CAMK2B: variants seen among roughly 807,000 people sequenced by gnomAD.
The protein encoded by CAMK2B is calcium/calmodulin-dependent protein kinase type II subunit beta.
CAMK2B carries 27 observed loss-of-function variants against 93.7 expected under a neutral mutation model. That is an observed-to-expected ratio of 0.29 (90% CI 0.21 to 0.40). The LOEUF (loss-of-function observed/expected upper bound fraction) is 0.40. CAMK2B is among the 10% of genes least tolerant of loss of function. The pLI, the probability that CAMK2B is intolerant of heterozygous loss-of-function variation, is 1.00. For missense variants in CAMK2B, 568 were observed against 895.8 expected, an observed-to-expected ratio of 0.63 and a Z score of 4.67; for synonymous variants, 374 against 358.8, an observed-to-expected ratio of 1.04 and a Z score of -0.48.
chr7:44,241,938 C>T (rs139588573), intron 10 of CAMK2B, among the ~76,000 whole-genome samples, 155 bp from the exon 11 acceptor site: 14 of 152,312 alleles, frequency 9.2e-5, no homozygotes, highest in African/African-American at 3.4e-4. Context: ...CCTGGGACTT[C>T]AAGACTCGTC....
At chr7:44,220,958 C>A in intron 20 of CAMK2B, 57 bp from the exon 21 acceptor site, 1 of 1,448,026 alleles carries the variant, frequency 6.9e-7, no homozygotes. Flanking sequence ...CCCCGGACCC[C>A]TCCACACAGC....
intron 2 of CAMK2B, among the ~76,000 whole-genome samples, chr7:44,281,537 A>G (rs999864539): frequency 3.9e-5 from 6 of 152,054 alleles, no homozygotes; most frequent in African/African-American, 1.4e-4. Context: ...ATGGCAGCCC[A>G]CTCAGGGTCT....
At chr7:44,252,509 G>C (rs1584234722) in intron 5 of CAMK2B, among the ~76,000 whole-genome samples, 1 of 148,994 alleles carries the variant, frequency 6.7e-6, no homozygotes, top group Non-Finnish European at 1.5e-5. Flanking sequence ...GGGTGGGAGT[G>C]AGGGGCCTGT....
chr7:44,226,687 G>T (rs1326547016), intron 19 of CAMK2B, 43 bp from the exon 20 acceptor site: 3 of 1,497,538 alleles, frequency 2.0e-6, no homozygotes, highest in Non-Finnish European at 1.8e-6. Flanking sequence ...GCAGGCACGG[G>T]GGGCACGCAG....
intron 2 of CAMK2B, among the ~76,000 whole-genome samples, chr7:44,269,602 C>T (rs1292904701): frequency 1.3e-5 from 2 of 152,052 alleles, no homozygotes; most frequent in East Asian, 1.9e-4. Context: ...AACAGGAGGG[C>T]GTGGGTGGGC....
intron 5 of CAMK2B, among the ~76,000 whole-genome samples, chr7:44,253,909 T>TTG (rs1554401515): frequency 1.4e-5 from 2 of 147,500 alleles, no homozygotes; most frequent in Non-Finnish European, 3.1e-5. Context: ...CAGTTTTTTT[T>TTG]TTTTTTTTTT....
intron 2 of CAMK2B, among the ~76,000 whole-genome samples, chr7:44,277,357 T>C (rs1278053498): frequency 6.6e-6 from 1 of 152,194 alleles, no homozygotes; most frequent in Non-Finnish European, 1.5e-5. Flanking sequence ...TAATTAAGTA[T>C]TAAATATTAA....
intron 1 of CAMK2B, among the ~76,000 whole-genome samples, chr7:44,290,803 T>C (rs1276689623): frequency 6.6e-6 from 1 of 152,234 alleles, no homozygotes; most frequent in Non-Finnish European, 1.5e-5. Context: ...GTTTTTTCTT[T>C]TGTGTATTTT....
At chr7:44,303,093 T>G (rs1308420584) in intron 1 of CAMK2B, among the ~76,000 whole-genome samples, 1 of 152,190 alleles carries the variant, frequency 6.6e-6, no homozygotes, top group Admixed American at 6.5e-5. Flanking sequence ...AGTCAATTGT[T>G]TTCTTACATA....
chr7:44,242,560 G>A lies in CAMK2B; in HGVS notation c.696C>T (p.Asp232=), dbSNP rs747107925. The A allele has an allele frequency of 2.7e-5, 43 of 1,604,356 alleles. No homozygotes were observed. Among genetic ancestry groups the A allele is most frequent in the Non-Finnish European group, 3.3e-5 (39 of 1,173,896 alleles). Residue 232 remains aspartate (D), a splice_region_variant and synonymous_variant, in exon 9 of 24, where the codon GAC becomes GAT. Transcript: ENST00000395749. The part of the protein sequence containing the change: ...LYQQIKAGAY[D]FPSPEWDTVT... Reference sequence around the variant, plus strand: ...ATCAGAGAGGGGCTGGTGCACTCACGTCATAGGCACCAGCCTTGATCTGCT... The same window carrying A: ...ATCAGAGAGGGGCTGGTGCACTCACATCATAGGCACCAGCCTTGATCTGCT...
intron 2 of CAMK2B, among the ~76,000 whole-genome samples, chr7:44,277,772 A>T (rs1331064068): frequency 6.7e-6 from 1 of 150,338 alleles, no homozygotes; most frequent in Non-Finnish European, 1.5e-5. Flanking sequence ...GCAGGGGGGA[A>T]GGCCATTGCT....
chr7:44,268,521 C>G (rs1388323187), intron 2 of CAMK2B: 1 of 152,344 alleles, frequency 6.6e-6, no homozygotes, highest in Non-Finnish European at 1.5e-5. Context: ...GTCTGGGTTA[C>G]CTGCCTGCAG....
intron 2 of CAMK2B, among the ~76,000 whole-genome samples, chr7:44,277,655 G>A (rs144425777): frequency 2.0e-4 from 31 of 152,266 alleles, no homozygotes; most frequent in Non-Finnish European, 3.5e-4. Flanking sequence ...AAATGCAGCC[G>A]GGGAGGCTGC....
chr7:44,317,998 C>A (rs1795226249), intron 1 of CAMK2B, among the ~76,000 whole-genome samples: 1 of 152,098 alleles, frequency 6.6e-6, no homozygotes, highest in Non-Finnish European at 1.5e-5. Context: ...TGCGATGGGG[C>A]CTGAACACTC....
At chr7:44,321,143 A>T (rs1795971381) in intron 1 of CAMK2B, among the ~76,000 whole-genome samples, 1 of 152,186 alleles carries the variant, frequency 6.6e-6, no homozygotes, top group African/African-American at 2.4e-5. Flanking sequence ...CTCCTCCTCC[A>T]TTCCTCTCTT....
At chr7:44,233,279 G>A (rs1234839078) in intron 15 of CAMK2B, among the ~76,000 whole-genome samples, 1 of 152,064 alleles carries the variant, frequency 6.6e-6, no homozygotes, top group Non-Finnish European at 1.5e-5. Flanking sequence ...TGGGGGTGGC[G>A]GTGGCACATG....
intron 1 of CAMK2B, among the ~76,000 whole-genome samples, chr7:44,305,439 C>A (rs1791191942): frequency 1.3e-5 from 2 of 152,160 alleles, no homozygotes; most frequent in Non-Finnish European, 1.5e-5. Flanking sequence ...AGTTATGATG[C>A]ACCTCTGCAC....
chr7:44,296,458 G>C (rs935506139), intron 1 of CAMK2B, among the ~76,000 whole-genome samples: 1 of 152,074 alleles, frequency 6.6e-6, no homozygotes, highest in Non-Finnish European at 1.5e-5. Context: ...AATTACAAAA[G>C]ATATAAACAC....
chr7:44,250,735 G>A (rs376129685), intron 5 of CAMK2B, among the ~76,000 whole-genome samples: 38 of 152,180 alleles, frequency 2.5e-4, no homozygotes, highest in African/African-American at 8.7e-4. Context: ...TCACCATGTT[G>A]GCCAAGATGT....
Sources: allele counts gnomAD v4.1 joint callset (sites outside exome capture counted in the v4.1 genomes callset), GRCh38; gene constraint gnomAD v4.1.1; transcripts MANE v1.5; gene names NCBI Gene and HGNC (gene_info 2026-07-23, HGNC 2026-07-21).